CREB5: variants seen among roughly 807,000 people sequenced by gnomAD.
The protein encoded by CREB5 is cAMP responsive element binding protein 5.
Under a neutral mutation model 57.1 loss-of-function variants are expected in CREB5, and 19 were observed. The ratio of observed to expected loss-of-function variants is 0.33; its 90% CI spans 0.23 to 0.49. The LOEUF is 0.49. CREB5 is among the 20% of genes least tolerant of loss of function. The pLI, the probability that CREB5 is intolerant of heterozygous loss-of-function variation, is 0.99. For missense variants in CREB5, 579 were observed against 671.6 expected (o/e 0.86, Z 1.52); for synonymous variants, 238 against 238.3 (o/e 1.00, Z 0.01).
At chr7:28,613,505 A>G (rs1056952618) in intron 5 of CREB5, among the ~76,000 whole-genome samples, 7 of 152,242 alleles carry the variant, frequency 4.6e-5, no homozygotes, top group African/African-American at 1.7e-4. Context: ...ATGAAAGAGT[A>G]TTTCGACTTC....
chr7:28,755,571 G>A (rs1344741940), intron 7 of CREB5, among the ~76,000 whole-genome samples: 1 of 152,148 alleles, frequency 6.6e-6, no homozygotes, highest in Non-Finnish European at 1.5e-5. Context: ...AGTAGGGAGG[G>A]ACACGATGAA....
At chr7:28,420,723 G>A (rs55904497) in intron 1 of CREB5, among the ~76,000 whole-genome samples, 23,442 of 149,412 alleles carry the variant, frequency 0.16, 5,224 homozygotes, top group African/African-American at 0.49. Flanking sequence ...CAGGAGTATC[G>A]CTTGAAGGCA....
chr7:28,509,897 G>A lies in CREB5; in HGVS notation c.291+2160G>A, dbSNP rs1233935456. Among the ~76,000 whole-genome samples the A allele has an allele frequency of 4.6e-5, 7 of 152,144 alleles. No individual in the cohort carries two copies. In the East Asian group the frequency reaches 1.3e-3, roughly 29 times the overall value. On this transcript the variant is annotated intron_variant, in intron 4 of 10. Coordinates refer to ENST00000357727, the MANE Select transcript of CREB5 (RefSeq NM_182898.4). The stretch of plus-strand genomic sequence containing the variant: ...TCTCATGCCTCAGCCTCACTTGCAC[G>A]CATGGGAAGCTGGACAATATTCAGG...
intron 2 of CREB5, among the ~76,000 whole-genome samples, chr7:28,492,975 T>A (rs1171387087): frequency 6.6e-6 from 1 of 152,110 alleles, no homozygotes; most frequent in Non-Finnish European, 1.5e-5. Context: ...CTTCAGTGTA[T>A]TCAGAAATCT....
intron 4 of CREB5, among the ~76,000 whole-genome samples, chr7:28,564,689 C>T (rs1795412276): frequency 6.6e-6 from 1 of 152,156 alleles, no homozygotes; most frequent in Admixed American, 6.5e-5. Flanking sequence ...GGAGAAATTT[C>T]GGTGAAGATC....
chr7:28,765,765 G>A (rs1167402733), intron 7 of CREB5, among the ~76,000 whole-genome samples: 2 of 152,178 alleles, frequency 1.3e-5, no homozygotes, highest in Non-Finnish European at 2.9e-5. Flanking sequence ...TTTACGGTGG[G>A]CACACTGTAA....
intron 1 of CREB5, among the ~76,000 whole-genome samples, chr7:28,477,589 C>T (rs2128587351): frequency 6.6e-6 from 1 of 152,228 alleles, no homozygotes; most frequent in Non-Finnish European, 1.5e-5. Flanking sequence ...AAGAGAAGGC[C>T]CTGCGTTTGT....
Position 28,696,118 on chromosome 7 carries a change from C to G in CREB5, c.465-22635C>G, listed in dbSNP as rs147491410. 3.1e-3 allele frequency among the ~76,000 whole-genome samples: 466 copies of G among 152,300 alleles called. 2 individuals are homozygous for G. Among genetic ancestry groups the G allele is most frequent in the African/African-American group, 0.01 (436 of 41,564 alleles). ...CAGCCAGTTAACCCAATTAGTCTTC[C>G]CACAGTCATTACCCAGGTGCCGTAC... On this transcript the variant is annotated intron_variant, in intron 5 of 10. Coordinates refer to ENST00000357727, the MANE Select transcript of CREB5 (RefSeq NM_182898.4).
intron 5 of CREB5, among the ~76,000 whole-genome samples, chr7:28,630,924 G>A (rs545654576): frequency 1.4e-4 from 22 of 152,200 alleles, no homozygotes; most frequent in Non-Finnish European, 2.4e-4. Context: ...TATGAGGTAC[G>A]TATGACTCTT....
intron 1 of CREB5, among the ~76,000 whole-genome samples, chr7:28,394,160 A>AT (rs1427086642): frequency 6.6e-6 from 1 of 150,746 alleles, no homozygotes; most frequent in Non-Finnish European, 1.5e-5. Context: ...TGACCACCAC[A>AT]TTTTTTTAAA....
At chr7:28,348,400 TCTCTCTCTCACACACA>T (rs201669224) in intron 1 of CREB5, among the ~76,000 whole-genome samples, 156 of 33,514 alleles carry the variant, frequency 4.7e-3, no homozygotes, top group African/African-American at 0.013. Flanking sequence ...TCTCTCTGTC[TCTCTCTCTCACACACA>T]CACACACACA....
chr7:28,631,477 G>T (rs1367890726), intron 5 of CREB5, among the ~76,000 whole-genome samples: 1 of 152,194 alleles, frequency 6.6e-6, no homozygotes, highest in Non-Finnish European at 1.5e-5. Flanking sequence ...CCAATATTGA[G>T]CATCTTGTAT....
Position 28,719,341 on chromosome 7 carries a change from C to A in CREB5, c.591+462C>A, listed in dbSNP as rs547633207. 5.9e-5 allele frequency among the ~76,000 whole-genome samples: 9 copies of A among 152,338 alleles called. 1 individual carries two copies. The South Asian group carries it at 1.9e-3, about 32-fold the overall frequency. On this transcript the variant is annotated intron_variant, in intron 6 of 10. Coordinates refer to ENST00000357727, the MANE Select transcript of CREB5 (RefSeq NM_182898.4). ...ATGTTCTGTTGTTCTGTTAATCATGCTAGCAGTATTTATTGAGTGTTTACT... is the reference window on the plus strand; with the variant it reads ...ATGTTCTGTTGTTCTGTTAATCATGATAGCAGTATTTATTGAGTGTTTACT...
intron 1 of CREB5, among the ~76,000 whole-genome samples, chr7:28,483,319 A>G (rs1249295908): frequency 6.6e-6 from 1 of 152,228 alleles, no homozygotes; most frequent in Non-Finnish European, 1.5e-5. Context: ...CTGAACAATG[A>G]AAGAGATTCT....
chr7:28,630,611 G>A (rs1411242934), intron 5 of CREB5, among the ~76,000 whole-genome samples: 1 of 152,186 alleles, frequency 6.6e-6, no homozygotes, highest in Non-Finnish European at 1.5e-5. Flanking sequence ...TATAGCAACA[G>A]AGGGACACAT....
intron 7 of CREB5, among the ~76,000 whole-genome samples, chr7:28,724,968 A>G (rs1306667196): frequency 6.6e-6 from 1 of 152,254 alleles, no homozygotes; most frequent in African/African-American, 2.4e-5. Flanking sequence ...AGCAAAACCA[A>G]TGCAATACGT....
At chr7:28,641,273 A>G (rs1043786590) in intron 5 of CREB5, among the ~76,000 whole-genome samples, 4 of 152,146 alleles carry the variant, frequency 2.6e-5, no homozygotes, top group Non-Finnish European at 2.9e-5. Flanking sequence ...CAGGGTCATG[A>G]CAAGGACCAC....
At chr7:28,617,956 G>C (rs1797654404) in intron 5 of CREB5, among the ~76,000 whole-genome samples, 1 of 152,166 alleles carries the variant, frequency 6.6e-6, no homozygotes, top group Non-Finnish European at 1.5e-5. Context: ...GTAGGGCAGA[G>C]ACATTTGACA....
intron 7 of CREB5, among the ~76,000 whole-genome samples, chr7:28,759,258 A>T (rs916031319): frequency 6.6e-6 from 1 of 152,208 alleles, no homozygotes; most frequent in Admixed American, 6.5e-5. Context: ...TTGAGCTAAG[A>T]TATGTTAGAT....
Sources: allele counts gnomAD v4.1 joint callset (sites outside exome capture counted in the v4.1 genomes callset), GRCh38; gene constraint gnomAD v4.1.1; transcripts MANE v1.5; gene names NCBI Gene and HGNC (gene_info 2026-07-23, HGNC 2026-07-21).